Variants in TBC1D22A observed in about 807,000 individuals in gnomAD.
TBC1D22A encodes the protein TBC1 domain family member 22A.
TBC1D22A carries 38 observed loss-of-function variants against 60.2 expected under a neutral mutation model. The observed-to-expected ratio is 0.63, with a 90% confidence interval of 0.49 to 0.83. The LOEUF (loss-of-function observed/expected upper bound fraction) is 0.83, where lower values mean the gene tolerates loss of function less well. TBC1D22A is among the 40% of genes least tolerant of loss of function. TBC1D22A has a pLI of 0.00. For missense variants in TBC1D22A, 628 were observed against 701.0 expected (o/e 0.90, Z 1.18); for synonymous variants, 302 against 281.7 (o/e 1.07, Z -0.72).
chr22:46,984,387 A>G, intron 9 of TBC1D22A, among the ~76,000 whole-genome samples: 4 of 131,544 alleles, frequency 3.0e-5, no homozygotes, highest in African/African-American at 1.1e-4. Context: ...AAAAAAAAAA[A>G]AAAAAAAAAA....
intron 9 of TBC1D22A, among the ~76,000 whole-genome samples, chr22:46,981,972 C>T (rs1320970969): frequency 6.6e-6 from 1 of 151,878 alleles, no homozygotes; most frequent in Non-Finnish European, 1.5e-5. Context: ...TACTAGGGAG[C>T]CAGATAGACC....
At chr22:46,978,242 T>C (rs1419307282) in intron 9 of TBC1D22A, among the ~76,000 whole-genome samples, 2 of 152,220 alleles carry the variant, frequency 1.3e-5, no homozygotes, top group Admixed American at 6.5e-5. Flanking sequence ...ACTACAAACA[T>C]TATTGAAGAG....
intron 8 of TBC1D22A, among the ~76,000 whole-genome samples, chr22:46,942,312 T>C (rs2072223447): frequency 6.6e-6 from 1 of 152,050 alleles, no homozygotes; most frequent in Non-Finnish European, 1.5e-5. Context: ...TGTTCTGTAT[T>C]TGGGTGAAAA....
At chr22:47,060,238 C>CTTTTTTTTTTTTTTT (rs3884803) in intron 11 of TBC1D22A, among the ~76,000 whole-genome samples, 1 of 111,658 alleles carries the variant, frequency 9.0e-6, no homozygotes, top group African/African-American at 3.6e-5. Flanking sequence ...GGGTTTCTGA[C>CTTTTTTTTTTTTTTT]TTTTTTTTTT....
chr22:47,104,189 C>T (rs1404910412), intron 11 of TBC1D22A, among the ~76,000 whole-genome samples: 1 of 151,966 alleles, frequency 6.6e-6, no homozygotes, highest in Non-Finnish European at 1.5e-5. Flanking sequence ...GCCTGTAGTC[C>T]CAGCTACTTG....
intron 2 of TBC1D22A, among the ~76,000 whole-genome samples, chr22:46,793,099 T>C (rs889617042): frequency 2.0e-5 from 3 of 152,240 alleles, no homozygotes; most frequent in African/African-American, 7.2e-5. Context: ...GTTTAAATGA[T>C]CATGTCTTCA....
At chr22:46,897,833 T>C (rs1040976311) in intron 7 of TBC1D22A, among the ~76,000 whole-genome samples, 3 of 152,134 alleles carry the variant, frequency 2.0e-5, no homozygotes, top group Non-Finnish European at 4.4e-5. Context: ...TGAGATATTT[T>C]GTTTTGCATG....
chr22:46,972,781 A>C (rs999684714), intron 8 of TBC1D22A, among the ~76,000 whole-genome samples: 5 of 152,280 alleles, frequency 3.3e-5, no homozygotes, highest in Non-Finnish European at 5.9e-5. Context: ...CGGATGAATT[A>C]TCTCTCCGTT....
chr22:46,904,634 A>G (rs556580262), intron 7 of TBC1D22A, among the ~76,000 whole-genome samples: 1 of 149,464 alleles, frequency 6.7e-6, no homozygotes, highest in Admixed American at 6.6e-5. Flanking sequence ...ACGCCCGGCT[A>G]ATTTTGTATT....
intron 10 of TBC1D22A, among the ~76,000 whole-genome samples, chr22:46,999,775 C>T (rs905935431): frequency 6.6e-6 from 1 of 152,230 alleles, no homozygotes; most frequent in African/African-American, 2.4e-5. Context: ...CCTGTAATCC[C>T]AGCACCTTGG....
rs1416169724 is a variant in TBC1D22A, at chr22:47,129,937, T to C, written c.1425+18334T>C. Among the ~76,000 whole-genome samples, 5 of 152,338 alleles carry C rather than the reference T, an allele frequency of 3.3e-5. No homozygotes were observed. The South Asian group carries it at 6.2e-4, about 19-fold the overall frequency. ...TTTCTGAGGTTTAGAAATGCATTTG[T>C]ACAGCGGAAGAGGGAAGCTGAGAAT... On this transcript the variant is annotated intron_variant, in intron 12 of 12. Coordinates refer to ENST00000337137, the MANE Select transcript of TBC1D22A (RefSeq NM_014346.5).
chr22:47,132,613 T>C (rs1459688769), intron 12 of TBC1D22A, among the ~76,000 whole-genome samples: 2 of 152,226 alleles, frequency 1.3e-5, no homozygotes, highest in Non-Finnish European at 2.9e-5. Context: ...TTCTCCCCAG[T>C]GCGAGTGGCC....
Position 46,894,863 on chromosome 22 carries a change from G to C in TBC1D22A, c.900+17G>C, listed in dbSNP as rs745588146. On this transcript the variant is annotated intron_variant, in intron 7 of 12. Coordinates refer to ENST00000337137, the MANE Select transcript of TBC1D22A (RefSeq NM_014346.5). ...GTGACGGAGGTAAGAAGCTCTTGCC[G>C]TGGGGAGTTCCCCTCGTTGGGAGTG... is the stretch of plus-strand genomic sequence containing the variant. The C allele has an allele frequency of 1.2e-6, 2 of 1,614,012 alleles. No individual in the cohort carries two copies. The highest frequency in any genetic ancestry group is 1.7e-6 in the Non-Finnish European group (2 of 1,179,870).
At chr22:46,855,234 C>G (rs1384729111) in intron 4 of TBC1D22A, among the ~76,000 whole-genome samples, 1 of 152,234 alleles carries the variant, frequency 6.6e-6, no homozygotes, top group Non-Finnish European at 1.5e-5. Context: ...TTGGATGATA[C>G]ACCATATGGT....
At chr22:47,086,600 C>T (rs757864956) in intron 11 of TBC1D22A, among the ~76,000 whole-genome samples, 6 of 152,166 alleles carry the variant, frequency 3.9e-5, no homozygotes, top group Non-Finnish European at 8.8e-5. Flanking sequence ...AAGTGTTCTC[C>T]TCCCCCTATA....
chr22:47,031,774 C>T (rs866359283), intron 10 of TBC1D22A, among the ~76,000 whole-genome samples: 1 of 152,110 alleles, frequency 6.6e-6, no homozygotes, highest in Non-Finnish European at 1.5e-5. Flanking sequence ...TGTGTGCCCC[C>T]CTTCAGGAGC....
In TBC1D22A at chr22:46,847,309, A is replaced by G. The variant is rs567632125; in HGVS notation, c.638-31344A>G. 5.9e-5 allele frequency among the ~76,000 whole-genome samples: 9 copies of G among 152,338 alleles called. No homozygotes were observed. The East Asian group carries it at 1.7e-3, about 29-fold the overall frequency. ...GGCCTCAGGTGTCCTGGAGAGTTGT[A>G]AAGGCCAGAATACACCTTTTCGGAG... On this transcript the variant is annotated intron_variant, in intron 4 of 12. Transcript: ENST00000337137.
chr22:47,052,928 G>A (rs775898290), intron 11 of TBC1D22A, among the ~76,000 whole-genome samples: 1 of 152,236 alleles, frequency 6.6e-6, no homozygotes, highest in Non-Finnish European at 1.5e-5. Flanking sequence ...TGGGGTCTTG[G>A]TGTAAACCTG....
At chr22:47,074,445 G>A (rs903863894) in intron 11 of TBC1D22A, among the ~76,000 whole-genome samples, 6 of 152,216 alleles carry the variant, frequency 3.9e-5, no homozygotes, top group Non-Finnish European at 5.9e-5. Flanking sequence ...TGTTAATTCT[G>A]TCTTAACCCA....
Sources: gnomAD v4.1 joint callset for allele counts (sites outside exome capture counted in the v4.1 genomes callset) on GRCh38, gnomAD v4.1.1 for gene constraint, MANE v1.5 for transcripts, NCBI Gene and HGNC (gene_info 2026-07-23, HGNC 2026-07-21) for gene names.